The following ZNF831 variants were observed in gnomAD, a reference collection of about 807,000 sequenced individuals.
ZNF831 encodes zinc finger protein 831, also known as chromosome 20 open reading frame 174.
In ZNF831, 59 loss-of-function variants were observed where a neutral mutation model predicts 95.8. The observed-to-expected ratio is 0.62, with a 90% CI of 0.50 to 0.77. ZNF831 has a LOEUF of 0.77. Ranked by LOEUF, ZNF831 falls within the 30% of genes least tolerant of loss-of-function variation. ZNF831 has a pLI of 0.00. For missense variants in ZNF831, 2,205 were observed against 2,164.0 expected (o/e 1.02, Z -0.38); for synonymous variants, 961 against 925.5 (o/e 1.04, Z -0.70).
At chr20:59,205,925 G>T (rs920304121) in intron 3 of ZNF831, among the ~76,000 whole-genome samples, 5 of 152,184 alleles carry the variant, frequency 3.3e-5, no homozygotes, top group African/African-American at 4.8e-5. Context: ...TATTAAATGT[G>T]TATTTGTTCA....
rs377103844 is a variant in ZNF831, at chr20:59,253,134, T to C, written c.4184T>C (p.Val1395Ala). Residue 1395 changes from valine (V) to alanine (A), a missense_variant, in exon 5 of 6, where the codon GTG becomes GCG. Coordinates refer to ENST00000371030, the MANE Select transcript of ZNF831 (RefSeq NM_178457.3). The stretch of plus-strand genomic sequence containing the variant: ...GTCAGGGAAATGGACAAACGAACTG[T>C]GAAGGTGGGCATGATGATTTTGAGC... ...RIVREMDKRT[V>A]KDISPSAGEH... 14 of 1,613,894 alleles carry C rather than the reference T, an allele frequency of 8.7e-6. No homozygotes were observed. The African/African-American group carries it at 1.9e-4, about 22-fold the overall frequency.
upstream of ZNF831, among the ~76,000 whole-genome samples, chr20:59,159,226 C>A (rs143276473): frequency 1.3e-5 from 2 of 151,994 alleles, no homozygotes; most frequent in Non-Finnish European, 2.9e-5. Context: ...CCAAGCAAAT[C>A]CCTAACAAAG....
chr20:59,202,352 A>G (rs1984598016), intron 3 of ZNF831, among the ~76,000 whole-genome samples: 1 of 134,866 alleles, frequency 7.4e-6, no homozygotes, highest in African/African-American at 2.9e-5. Context: ...AAAAAAAAAC[A>G]CATCTAATGT....
chr20:59,158,767 T>G (rs1482395631), intron 2 of ZNF831, among the ~76,000 whole-genome samples: 2 of 152,208 alleles, frequency 1.3e-5, no homozygotes, highest in Non-Finnish European at 2.9e-5. Context: ...AAACTTTTTA[T>G]TTTGGAATCG....
chr20:59,171,917 T>C (rs1010593047), intron 1 of ZNF831, among the ~76,000 whole-genome samples: 1 of 152,238 alleles, frequency 6.6e-6, no homozygotes, highest in African/African-American at 2.4e-5. Flanking sequence ...TATGAGTATG[T>C]ACTTTTCTCC....
At chr20:59,238,114 C>T (rs904320965) in intron 4 of ZNF831, among the ~76,000 whole-genome samples, 4 of 152,272 alleles carry the variant, frequency 2.6e-5, no homozygotes, top group East Asian at 1.9e-4. Flanking sequence ...GTAGAGACCT[C>T]GGACCCTCGT....
chr20:59,158,021 G>T (rs760763195), intron 2 of ZNF831, among the ~76,000 whole-genome samples: 2 of 152,136 alleles, frequency 1.3e-5, no homozygotes, highest in African/African-American at 4.8e-5. Flanking sequence ...ATCACTTCAG[G>T]TGCTGGAAAT....
intron 1 of ZNF831, chr20:59,146,142 C>T (rs552914863): frequency 6.6e-6 from 1 of 152,278 alleles, no homozygotes; most frequent in South Asian, 2.1e-4. Context: ...ACACCTACCC[C>T]CGGTGTCCCT....
At position 59,186,419 on chromosome 20, in the gene ZNF831, G is replaced by A. The variant is rs116476378; in HGVS notation, c.-36-4565G>A. On this transcript the variant is annotated intron_variant, in intron 1 of 5. Coordinates refer to ENST00000371030, the MANE Select transcript of ZNF831 (RefSeq NM_178457.3). ...AGTTAATAGTTCAAAATATTATGGC[G>A]TATAATTGAAAACTGAAATAAATGG... is the stretch of plus-strand genomic sequence containing the variant. 6.7e-3 allele frequency among the ~76,000 whole-genome samples: 1,026 copies of A among 152,294 alleles called. 10 individuals are homozygous for A. The highest frequency in any genetic ancestry group is 0.023 in the African/African-American group (956 of 41,556).
chr20:59,237,968 A>T (rs528566116), intron 4 of ZNF831, among the ~76,000 whole-genome samples: 9 of 151,634 alleles, frequency 5.9e-5, no homozygotes, highest in African/African-American at 1.5e-4. Flanking sequence ...AGAATACGTA[A>T]TTTTTTTTTA....
At chr20:59,246,217 C>T (rs1439064971) in intron 4 of ZNF831, among the ~76,000 whole-genome samples, 3 of 151,898 alleles carry the variant, frequency 2.0e-5, no homozygotes, top group Non-Finnish European at 2.9e-5. Flanking sequence ...TCTCTCTGTG[C>T]CTTCACTCTC....
intron 4 of ZNF831, among the ~76,000 whole-genome samples, chr20:59,243,006 T>TCAGCTA (rs1163563832): frequency 6.6e-6 from 1 of 152,246 alleles, no homozygotes; most frequent in Non-Finnish European, 1.5e-5. Flanking sequence ...TGTTTTATCT[T>TCAGCTA]CAGCTACGTG....
intron 1 of ZNF831, among the ~76,000 whole-genome samples, chr20:59,179,985 C>A (rs1568742412): frequency 6.6e-6 from 1 of 152,124 alleles, no homozygotes. Flanking sequence ...GAGTTGTGGG[C>A]ACAGGTCCTC....
Position 59,151,254 on chromosome 20 carries a change from C to G in ZNF831, c.-1281+4880C>G, listed in dbSNP as rs142158834. ...CCCTGATCTGTGTATTCCCAGCAAG[C>G]CACATGGCTTCTGTCTCCTGGGATA... is the stretch of plus-strand genomic sequence containing the variant. On this transcript the variant is annotated intron_variant, in intron 2 of 7. Transcript: ENST00000637017. Among the ~76,000 whole-genome samples, 455 of 152,268 alleles carry G rather than the reference C, an allele frequency of 3.0e-3. 5 individuals carry two copies. The highest frequency in any genetic ancestry group is 0.01 in the African/African-American group (435 of 41,558).
At chr20:59,167,244 T>C (rs1197447239) in intron 1 of ZNF831, among the ~76,000 whole-genome samples, 1 of 152,262 alleles carries the variant, frequency 6.6e-6, no homozygotes, top group Non-Finnish European at 1.5e-5. Context: ...GGTGATAACT[T>C]GCTTCATGTG....
In ZNF831 at chr20:59,194,196, G is replaced by A. The variant is rs766958870; in HGVS notation, c.3177G>A (p.Thr1059=). ...CTACCTCCTCCCCGCCCACTCCAAC[G>A]TGTGAGGCACACTTAGTTCAGGACA... ...REATSSPPTP[T]CEAHLVQDME... Residue 1059 remains threonine, a synonymous_variant, in exon 2 of 6, where the codon ACG becomes ACA. Coordinates refer to ENST00000371030, the MANE Select transcript of ZNF831 (RefSeq NM_178457.3). The A allele has an allele frequency of 1.5e-5, 24 of 1,609,566 alleles. No individual in the cohort carries two copies. The highest frequency in any genetic ancestry group is 6.6e-5 in the South Asian group (6 of 90,398).
At chr20:59,149,050 A>G (rs1183797320) in intron 2 of ZNF831, among the ~76,000 whole-genome samples, 4 of 152,204 alleles carry the variant, frequency 2.6e-5, no homozygotes, top group African/African-American at 9.7e-5. Flanking sequence ...GAGGGTCTCC[A>G]TCCCTTCCAG....
At chr20:59,160,853 C>T (rs1364892365), upstream of ZNF831, 2 of 149,192 alleles carry the variant, frequency 1.3e-5, no homozygotes, top group East Asian at 3.9e-4. Context: ...AAAGAATAGT[C>T]AATGCAGACT....
At position 59,254,250 on chromosome 20, in the gene ZNF831, G is replaced by A. The variant is rs1044644525; in HGVS notation, c.4541G>A (p.Arg1514Gln). 16 of 1,614,008 alleles carry A rather than the reference G, an allele frequency of 9.9e-6. No homozygotes were observed. The highest frequency in any genetic ancestry group is 1.6e-4 in the Middle Eastern group (1 of 6,062). Reference sequence around the variant, plus strand: ...CAGGAAATTCACAGTGCTGAATCACGAGACCACAGCCAGACTGCAGGGAGG... The same window carrying A: ...CAGGAAATTCACAGTGCTGAATCACAAGACCACAGCCAGACTGCAGGGAGG... Reference protein sequence around the residue: ...IAQEIHSAESRDHSQTAGRTL... With the variant: ...IAQEIHSAESQDHSQTAGRTL... The change falls in exon 6 of 6, where the codon CGA (arginine) becomes CAA (glutamine). Residue 1514 changes from arginine (R) to glutamine (Q), a missense_variant. Transcript: ENST00000371030. This position sits in a 1 kb window ranked among gnomAD's most constrained non-coding sequence, Gnocchi z 4.5.
Sources: gnomAD v4.1 joint callset for allele counts (sites outside exome capture counted in the v4.1 genomes callset) on GRCh38, gnomAD v4.1.1 for gene constraint, Gnocchi (gnomAD v3.1) non-coding constraint, MANE v1.5 for transcripts, NCBI Gene and HGNC (gene_info 2026-07-23, HGNC 2026-07-21) for gene names.